TCF12: variants seen among roughly 807,000 people sequenced by gnomAD.
TCF12 encodes DNA-binding protein HTF4.
TCF12 carries 45 observed loss-of-function variants against 86.0 expected under a neutral mutation model. The observed-to-expected ratio is 0.52, with a 90% confidence interval of 0.41 to 0.67. The LOEUF is 0.67. Ranked by LOEUF, TCF12 falls within the 30% of genes least tolerant of loss-of-function variation. The probability of loss-of-function intolerance (pLI) is 0.00; values close to 1 mark genes in which losing one functional copy is unlikely to be tolerated. For missense variants in TCF12, 881 were observed against 859.9 expected, an observed-to-expected ratio of 1.02 and a Z score of -0.31; for synonymous variants, 330 against 299.6, an observed-to-expected ratio of 1.10 and a Z score of -1.05.
In TCF12 at chr15:57,091,867, C is replaced by A; in HGVS notation, c.301C>A (p.Pro101Thr). The A allele has an allele frequency of 6.2e-7, 1 of 1,613,712 alleles. No individual in the cohort carries two copies. The highest frequency in any genetic ancestry group is 8.5e-7 in the Non-Finnish European group (1 of 1,179,704). The change falls in exon 5 of 21, where the codon CCT becomes ACT. Residue 101 changes from proline (P) to threonine (T), a missense_variant. By Grantham distance (38) the Pro-to-Thr change is conservative (BLOSUM62 -1). Around this residue, in one of 3 missense-constraint regions of TCF12, gnomAD observed 766 missense variants for 718.9 expected, o/e 1.07. Coordinates refer to ENST00000333725, the MANE Select transcript of TCF12 (RefSeq NM_207037.2). ...LGAHEGLSPT[P>T]FMNSNLMGKT... ...AGCCCATGAAGGCTTGTCCCCAACA[C>A]CTTTCATGAACTCAAATCTGATGGG...
chr15:57,222,629 T>G (rs2058651186), intron 8 of TCF12, among the ~76,000 whole-genome samples: 1 of 151,824 alleles, frequency 6.6e-6, no homozygotes, highest in African/African-American at 2.4e-5. Flanking sequence ...AGGTTCCTTC[T>G]TTATAAAGAA....
At chr15:57,109,683 A>G (rs1372690310) in intron 5 of TCF12, among the ~76,000 whole-genome samples, 2 of 152,200 alleles carry the variant, frequency 1.3e-5, no homozygotes, top group African/African-American at 2.4e-5. Flanking sequence ...ATACTATTGT[A>G]TATTTAAAAA....
At chr15:57,147,186 G>T (rs2053419617) in intron 5 of TCF12, among the ~76,000 whole-genome samples, 1 of 152,162 alleles carries the variant, frequency 6.6e-6, no homozygotes, top group Admixed American at 6.5e-5. Context: ...TGAAATAAAT[G>T]CAATCATTTC....
chr15:57,186,485 T>C (rs1272221156), intron 6 of TCF12, among the ~76,000 whole-genome samples: 7 of 151,938 alleles, frequency 4.6e-5, no homozygotes, highest in Non-Finnish European at 1.0e-4. Context: ...GGCAACAGAG[T>C]GAGACCGTCT....
chr15:56,942,768 C>T (rs1408567989), intron 3 of TCF12, among the ~76,000 whole-genome samples: 1 of 152,038 alleles, frequency 6.6e-6, no homozygotes, highest in African/African-American at 2.4e-5. Flanking sequence ...TTTTATATTC[C>T]TTTCCATTTC....
intron 19 of TCF12, among the ~76,000 whole-genome samples, chr15:57,276,702 G>A (rs567484905): frequency 1.1e-4 from 16 of 151,754 alleles, no homozygotes; most frequent in Admixed American, 6.6e-4. Flanking sequence ...TATCATCAGC[G>A]TTCTGGACAG....
chr15:57,015,314 G>C (rs1314854772), intron 3 of TCF12, among the ~76,000 whole-genome samples: 2 of 152,084 alleles, frequency 1.3e-5, no homozygotes, highest in Non-Finnish European at 2.9e-5. Context: ...CCAAAATTCA[G>C]ATGCTTTAAA....
At chr15:57,114,291 C>T (rs1352421367) in intron 5 of TCF12, among the ~76,000 whole-genome samples, 1 of 151,940 alleles carries the variant, frequency 6.6e-6, no homozygotes, top group East Asian at 1.9e-4. Context: ...GGCATTTAAC[C>T]TACTGTAATT....
chr15:56,953,908 C>T (rs1259240433), intron 3 of TCF12, among the ~76,000 whole-genome samples: 1 of 148,550 alleles, frequency 6.7e-6, no homozygotes, highest in African/African-American at 2.5e-5. Context: ...ATTTTTTCCC[C>T]CATTTCTTTG....
chr15:56,933,770 G>A (rs1208725793), intron 3 of TCF12, among the ~76,000 whole-genome samples: 4 of 152,032 alleles, frequency 2.6e-5, no homozygotes, highest in Non-Finnish European at 5.9e-5. Context: ...TATACATATG[G>A]AGAGAGGGAA....
At chr15:57,206,225 A>G (rs2057802454) in intron 8 of TCF12, among the ~76,000 whole-genome samples, 1 of 152,212 alleles carries the variant, frequency 6.6e-6, no homozygotes, top group African/African-American at 2.4e-5. Context: ...TAATGAGGCC[A>G]GGCGTGATGG....
At chr15:57,197,734 T>G in intron 7 of TCF12, 39 bp from the exon 8 acceptor site, 1 of 1,600,988 alleles carries the variant, frequency 6.2e-7, no homozygotes, top group Non-Finnish European at 8.5e-7. Context: ...TTTTTTCTGG[T>G]ATATTATGCT....
chr15:56,999,395 A>G (rs1364560393), intron 3 of TCF12, among the ~76,000 whole-genome samples: 1 of 95,740 alleles, frequency 1.0e-5, no homozygotes, highest in Admixed American at 1.3e-4. Context: ...GACATAAAAA[A>G]CTAGTATCAG....
At chr15:57,047,705 C>CTCTTGAATA (rs1184846314) in intron 3 of TCF12, among the ~76,000 whole-genome samples, 3 of 151,980 alleles carry the variant, frequency 2.0e-5, no homozygotes, top group Non-Finnish European at 4.4e-5. Context: ...ACCTTTTTTC[C>CTCTTGAATA]TCTTGAATAT....
chr15:57,112,753 T>C lies in TCF12; in HGVS notation c.325+20862T>C, dbSNP rs185334239. ...ACTGTGCTTAAGAGTGTGGGAAATA[T>C]CAAGATGAAAAAGACATTACCTTCA... On this transcript the variant is annotated intron_variant, in intron 5 of 20. Coordinates refer to ENST00000333725, the MANE Select transcript of TCF12 (RefSeq NM_207037.2). 8.0e-4 allele frequency among the ~76,000 whole-genome samples: 122 copies of C among 152,256 alleles called. 1 individual carries two copies. The highest frequency in any genetic ancestry group is 2.7e-3 in the African/African-American group (113 of 41,542).
At chr15:57,128,793 T>G (rs1407204888) in intron 5 of TCF12, among the ~76,000 whole-genome samples, 11 of 152,248 alleles carry the variant, frequency 7.2e-5, no homozygotes, top group Non-Finnish European at 1.6e-4. Flanking sequence ...TAATATGTGG[T>G]CTTTTGTGAC....
In TCF12 at chr15:57,287,955, C is replaced by T. The variant is rs2061986171; in HGVS notation, c.*1810C>T. The T allele has an allele frequency of 6.6e-6, 1 of 152,502 alleles. No homozygotes were observed. The highest frequency in any genetic ancestry group is 1.5e-5 in the Non-Finnish European group (1 of 68,008). The allele number at this position is 152,502 out of a possible 1,614,324, so 9.4% of individuals were successfully genotyped here. ...CTGCCTGGCCTTTTTTTCTTCAGAG[C>T]TTGTTGTCTTTTTCGCTATATTAGA... On this transcript the variant is annotated 3_prime_UTR_variant, in exon 21 of 21. Transcript: ENST00000333725.
At chr15:57,018,384 G>C (rs777430323) in intron 3 of TCF12, among the ~76,000 whole-genome samples, 28 of 152,222 alleles carry the variant, frequency 1.8e-4, no homozygotes, top group Non-Finnish European at 3.4e-4. Context: ...ACAGATGACT[G>C]CATAGCTCAA....
At chr15:57,137,616 C>G (rs2052645679) in intron 5 of TCF12, among the ~76,000 whole-genome samples, 1 of 152,156 alleles carries the variant, frequency 6.6e-6, no homozygotes, top group Non-Finnish European at 1.5e-5. Flanking sequence ...AATACAGTGA[C>G]TCTGCAACTG....
Sources: allele counts gnomAD v4.1 joint callset (sites outside exome capture counted in the v4.1 genomes callset), GRCh38; gene constraint gnomAD v4.1.1; regional missense constraint gnomAD v4.1.1; transcripts MANE v1.5; gene names NCBI Gene and HGNC (gene_info 2026-07-23, HGNC 2026-07-21).